RNF170: variants seen among roughly 807,000 people sequenced by gnomAD.
RNF170 encodes the protein E3 ubiquitin-protein ligase RNF170.
RNF170 carries 12 observed loss-of-function variants against 32.7 expected under a neutral mutation model. That is an observed-to-expected ratio of 0.37 (90% CI 0.24 to 0.60). The LOEUF (loss-of-function observed/expected upper bound fraction) is 0.60. RNF170 is among the 20% of genes least tolerant of loss of function. The pLI is 0.72. For synonymous variants in RNF170, 91 were observed against 103.6 expected (o/e 0.88, Z 0.74); for missense variants, 212 against 311.2 (o/e 0.68, Z 2.40).
At chr8:42,891,803 A>C (rs1356290998) in intron 1 of RNF170, among the ~76,000 whole-genome samples, 1 of 152,164 alleles carries the variant, frequency 6.6e-6, no homozygotes, top group Non-Finnish European at 1.5e-5. Flanking sequence ...TCTCTGATTC[A>C]GAGTTTCGGA....
downstream of RNF170, chr8:42,850,649 G>T: frequency 1.1e-6 from 1 of 936,598 alleles, no homozygotes. Context: ...ACAGACAATG[G>T]AAATGTCAAT....
chr8:42,872,531 C>T (rs1804599179), intron 3 of RNF170, among the ~76,000 whole-genome samples: 1 of 152,168 alleles, frequency 6.6e-6, no homozygotes, highest in South Asian at 2.1e-4. Context: ...CAACCTCCGC[C>T]TCCCGGGTTC....
intron 5 of RNF170, among the ~76,000 whole-genome samples, chr8:42,863,010 A>ACCAC (rs1446818758): frequency 7.9e-5 from 12 of 152,170 alleles, no homozygotes; most frequent in Non-Finnish European, 1.6e-4. Context: ...CCAAACCTGG[A>ACCAC]AATGGTGGTA....
At chr8:42,887,228 G>A (rs551260039) in intron 2 of RNF170, among the ~76,000 whole-genome samples, 1 of 152,280 alleles carries the variant, frequency 6.6e-6, no homozygotes, top group South Asian at 2.1e-4. Flanking sequence ...AGAGGCAGAG[G>A]TTGTGGTGAG....
At position 42,853,776 on chromosome 8, in the gene RNF170, T is replaced by C. The variant is rs772246286; in HGVS notation, c.*2383A>G. 2.3e-6 allele frequency: 3 copies of C among 1,287,230 alleles called. No homozygotes were observed. Among genetic ancestry groups the C allele is most frequent in the Admixed American group, 2.3e-5 (1 of 43,552 alleles). 79.7% of individuals were successfully genotyped at this position (1,287,230 alleles called of 1,614,324 possible). A position where few individuals can be genotyped will look rare whatever the true frequency, so the allele number is the denominator to read the frequency against. ...ATCGGTAAAGATGACAACAAGCAGG[T>C]CTAAAGTTCTGAGATGTTAGCACAT... On this transcript the variant is annotated 3_prime_UTR_variant, in exon 7 of 7. Transcript: ENST00000527424.
intron 2 of RNF170, among the ~76,000 whole-genome samples, chr8:42,875,671 G>A (rs1804867165): frequency 1.3e-5 from 2 of 152,178 alleles, no homozygotes; most frequent in African/African-American, 2.4e-5. Flanking sequence ...TTGCCTCCCA[G>A]GTTCAAGCAA....
chr8:42,881,013 T>G (rs1805354496), intron 2 of RNF170, among the ~76,000 whole-genome samples: 1 of 152,248 alleles, frequency 6.6e-6, no homozygotes, highest in South Asian at 2.1e-4. Flanking sequence ...ACATAACTTT[T>G]ATATGCACTA....
chr8:42,853,362 A>G lies in RNF170; in HGVS notation c.*2797T>C. 1 of 1,255,270 alleles carries G rather than the reference A, an allele frequency of 8.0e-7. No individual in the cohort carries two copies. The highest frequency in any genetic ancestry group is 1.0e-6 in the Non-Finnish European group (1 of 971,476). 77.8% of individuals were successfully genotyped at this position (1,255,270 alleles called of 1,614,324 possible). Reference sequence around the variant, plus strand: ...ATGCTTGACAAACTCTTTAATCACAAGGTTTGAACCAAACCACCAGTCTTC... The same window carrying G: ...ATGCTTGACAAACTCTTTAATCACAGGGTTTGAACCAAACCACCAGTCTTC... On this transcript the variant is annotated 3_prime_UTR_variant, in exon 7 of 7. Transcript: ENST00000527424.
chr8:42,896,595 A>G lies in RNF170; in HGVS notation c.-119T>C. On this transcript the variant is annotated 5_prime_UTR_variant, in exon 1 of 7. Coordinates refer to ENST00000527424, the MANE Select transcript of RNF170 (RefSeq NM_030954.4). ...CAACCCACTAGACGTCCCCTTTCTA[A>G]TTTGGAGTGCGGGTGCGGGCGCACG... 2.2e-6 allele frequency: 1 copy of G among 453,430 alleles called. No homozygotes were observed. The highest frequency in any genetic ancestry group is 7.0e-5 in the East Asian group (1 of 14,338). The allele number at this position is 453,430 out of a possible 1,614,324, so 28.1% of individuals were successfully genotyped here. A position where few individuals can be genotyped will look rare whatever the true frequency, so the allele number is the denominator to read the frequency against.
chr8:42,855,667 A>G lies in RNF170; in HGVS notation c.*492T>C. 7.8e-7 allele frequency: 1 copy of G among 1,284,356 alleles called. No homozygotes were observed. Among genetic ancestry groups the G allele is most frequent in the Non-Finnish European group, 1.0e-6 (1 of 987,006 alleles). The allele number at this position is 1,284,356 out of a possible 1,614,324, so 79.6% of individuals were successfully genotyped here. ...AAGGCAGAACTGCTCCAAATGCACA[A>G]AACTTAGCTAGCACTAAAAGAAATA... On this transcript the variant is annotated 3_prime_UTR_variant, in exon 7 of 7. Transcript: ENST00000527424.
At chr8:42,891,719 C>T (rs550329306) in intron 1 of RNF170, among the ~76,000 whole-genome samples, 1 of 152,260 alleles carries the variant, frequency 6.6e-6, no homozygotes, top group Non-Finnish European at 1.5e-5. Flanking sequence ...TCTTTAAACT[C>T]GATTTTGACC....
chr8:42,861,488 G>A (rs1450341049), intron 6 of RNF170: 1 of 420,190 alleles, frequency 2.4e-6, no homozygotes, highest in African/African-American at 2.0e-5. Flanking sequence ...CTACAGGCAT[G>A]TGCCAACACT....
At position 42,855,775 on chromosome 8, in the gene RNF170, G is replaced by A; in HGVS notation, c.*384C>T. ...TTCACAGCTATATATTATCATATAG[G>A]TACCTGCTGAGAAGGATAAGATGGA... On this transcript the variant is annotated 3_prime_UTR_variant, in exon 7 of 7. Coordinates refer to ENST00000527424, the MANE Select transcript of RNF170 (RefSeq NM_030954.4). The A allele has an allele frequency of 8.0e-7, 1 of 1,248,596 alleles. No homozygotes were observed. Among genetic ancestry groups the A allele is most frequent in the Non-Finnish European group, 1.0e-6 (1 of 957,188 alleles). 77.3% of individuals were successfully genotyped at this position (1,248,596 alleles called of 1,614,324 possible). A position where few individuals can be genotyped will look rare whatever the true frequency, so the allele number is the denominator to read the frequency against.
chr8:42,892,712 T>G (rs1355003075), intron 1 of RNF170, among the ~76,000 whole-genome samples: 1 of 150,952 alleles, frequency 6.6e-6, no homozygotes, highest in African/African-American at 2.4e-5. Context: ...TTCAGGCCAG[T>G]GCTGTGATTC....
At chr8:42,874,743 C>CA (rs950138070) in intron 2 of RNF170, among the ~76,000 whole-genome samples, 28 of 144,010 alleles carry the variant, frequency 1.9e-4, no homozygotes, top group African/African-American at 3.6e-4. Context: ...GACTCCATCT[C>CA]AAAAAAAAAC....
At chr8:42,870,145 C>T in intron 3 of RNF170, 33 bp from the exon 4 acceptor site, 2 of 1,450,944 alleles carry the variant, frequency 1.4e-6, no homozygotes, top group Non-Finnish European at 1.9e-6. Flanking sequence ...CATTGGAACA[C>T]AACACATGTG....
At position 42,856,384 on chromosome 8, in the gene RNF170, T is replaced by C. The variant is rs1323403276; in HGVS notation, c.552A>G (p.Ala184=). ...IMDLPTLLRH[A]FREMFSVGGL... ...CCCCGACTGAAAACATTTCCCTGAA[T>C]GCATGCCTCAGTAAAGTGGGTAGAT... The change falls in exon 7 of 7, where the codon GCA becomes GCG. Residue 184 remains alanine (A), a synonymous_variant. Coordinates refer to ENST00000527424, the MANE Select transcript of RNF170 (RefSeq NM_030954.4). 1 of 1,606,944 alleles carries C rather than the reference T, an allele frequency of 6.2e-7. No individual in the cohort carries two copies. Among genetic ancestry groups the C allele is most frequent in the Non-Finnish European group, 8.5e-7 (1 of 1,178,452 alleles).
At chr8:42,869,462 C>T (rs1804362094) in intron 4 of RNF170, among the ~76,000 whole-genome samples, 1 of 152,200 alleles carries the variant, frequency 6.6e-6, no homozygotes, top group Admixed American at 6.5e-5. Flanking sequence ...CTCTAGGATT[C>T]TCATTCTCCT....
chr8:42,888,037 A>G (rs1014978223), intron 1 of RNF170, among the ~76,000 whole-genome samples, 166 bp from the exon 2 acceptor site: 2 of 152,226 alleles, frequency 1.3e-5, no homozygotes, highest in African/African-American at 4.8e-5. Flanking sequence ...AAAATTTGCC[A>G]GACACATTAT....
Sources: gnomAD v4.1 joint callset for allele counts (sites outside exome capture counted in the v4.1 genomes callset) on GRCh38, gnomAD v4.1.1 for gene constraint, MANE v1.5 for transcripts, NCBI Gene and HGNC (gene_info 2026-07-23, HGNC 2026-07-21) for gene names.